Variants in DCLK2 observed in about 807,000 individuals in gnomAD.
The protein encoded by DCLK2 is doublecortin like kinase 2.
In DCLK2, 31 loss-of-function variants were observed where a neutral mutation model predicts 78.4. That is an observed-to-expected ratio of 0.40 (90% CI 0.30 to 0.53). The LOEUF (loss-of-function observed/expected upper bound fraction) is 0.53. Among genes scored for constraint, DCLK2 ranks in the 20% least tolerant of loss-of-function variants. DCLK2 has a pLI of 0.61. For missense variants in DCLK2, 872 were observed against 973.7 expected, an observed-to-expected ratio of 0.90 and a Z score of 1.39; for synonymous variants, 407 against 374.9, an observed-to-expected ratio of 1.09 and a Z score of -0.99.
At chr4:150,235,337 C>T (rs1197460190) in intron 10 of DCLK2, among the ~76,000 whole-genome samples, 1 of 152,144 alleles carries the variant, frequency 6.6e-6, no homozygotes, top group Non-Finnish European at 1.5e-5. Context: ...TAATGTTTTT[C>T]ACTTCTTCAG....
At chr4:150,165,485 T>C (rs1735996676) in intron 2 of DCLK2, among the ~76,000 whole-genome samples, 1 of 152,254 alleles carries the variant, frequency 6.6e-6, no homozygotes, top group African/African-American at 2.4e-5. Flanking sequence ...ATGTGCAGCA[T>C]ATTAGCCACA....
rs572941277 is a variant in DCLK2, at chr4:150,126,443, A to T, written c.756+23631A>T. ...GACTGTGGTCAAAGAAGGGAAGCTA[A>T]CTCTTTGTAGAGGCATCAAAAATGC... On this transcript the variant is annotated intron_variant, in intron 2 of 15. Transcript: ENST00000296550. Among the ~76,000 whole-genome samples the T allele has an allele frequency of 4.4e-4, 67 of 152,236 alleles. 1 individual carries two copies. The South Asian group carries it at 7.3e-3, about 17-fold the overall frequency.
intron 10 of DCLK2, among the ~76,000 whole-genome samples, chr4:150,233,214 G>A (rs1742220185): frequency 6.6e-6 from 1 of 152,138 alleles, no homozygotes; most frequent in Non-Finnish European, 1.5e-5. Flanking sequence ...AGAGAGCGAG[G>A]AGGGAAGTGC....
chr4:150,158,416 C>T (rs1310321714), intron 2 of DCLK2, among the ~76,000 whole-genome samples: 1 of 152,050 alleles, frequency 6.6e-6, no homozygotes, highest in Non-Finnish European at 1.5e-5. Flanking sequence ...GTCTATAACA[C>T]CTCCCAATAA....
intron 10 of DCLK2, among the ~76,000 whole-genome samples, chr4:150,238,206 T>C (rs971853145): frequency 2.0e-5 from 3 of 152,228 alleles, no homozygotes; most frequent in African/African-American, 7.2e-5. Context: ...GTATTTTATA[T>C]GTAATTTTGC....
Position 150,102,594 on chromosome 4 carries a change from G to A in DCLK2, c.538G>A (p.Ala180Thr). 2.5e-6 allele frequency: 4 copies of A among 1,614,172 alleles called. No individual in the cohort carries two copies. Among genetic ancestry groups the A allele is most frequent in the Non-Finnish European group, 3.4e-6 (4 of 1,180,022 alleles). Reference protein sequence around the residue: ...KGGTSRALAAASSVKSEVKES... With the variant: ...KGGTSRALAATSSVKSEVKES... ...TGGGACATCCCGAGCGCTGGCTGCT[G>A]CCTCCTCTGTGAAAAGTGAAGTAAA... The change falls in exon 2 of 16, where the codon GCC (alanine) becomes ACC (threonine). Residue 180 changes from alanine (A) to threonine (T), a missense_variant. Ala to Thr is a moderately conservative substitution (Grantham distance 58). This residue lies in a region of DCLK2 where 567 missense variants were observed against 593.4 expected (regional missense o/e 0.96). Transcript: ENST00000296550.
rs1744599959 is a variant in DCLK2 at position 150,256,791 on chromosome 4, A to G, written c.*544A>G. ...AGAGGACTGGCTTTCTAATAGAAGA[A>G]GTGAGCGCCTGAGAGGACAATTTGG... On this transcript the variant is annotated 3_prime_UTR_variant, in exon 16 of 16. Transcript: ENST00000296550. 6.6e-6 allele frequency: 1 copy of G among 152,458 alleles called. No homozygotes were observed. The highest frequency in any genetic ancestry group is 2.4e-5 in the African/African-American group (1 of 41,438). The allele number at this position is 152,458 out of a possible 1,614,324, so 9.4% of individuals were successfully genotyped here.
At chr4:150,143,116 ATTC>A (rs1734224305) in intron 2 of DCLK2, among the ~76,000 whole-genome samples, 1 of 152,106 alleles carries the variant, frequency 6.6e-6, no homozygotes, top group African/African-American at 2.4e-5. Context: ...ACATGATTTC[ATTC>A]TTTTTCATAG....
chr4:150,255,140 C>G (rs774071571), intron 15 of DCLK2, among the ~76,000 whole-genome samples: 3 of 152,196 alleles, frequency 2.0e-5, no homozygotes, highest in Non-Finnish European at 4.4e-5. Flanking sequence ...TGTTAAAGTA[C>G]TGAAAGAATC....
chr4:150,167,795 T>C (rs1188067079), intron 2 of DCLK2, among the ~76,000 whole-genome samples: 1 of 152,170 alleles, frequency 6.6e-6, no homozygotes, highest in Non-Finnish European at 1.5e-5. Flanking sequence ...TCTCGGAAGC[T>C]GGGCGAGTGG....
intron 2 of DCLK2, among the ~76,000 whole-genome samples, chr4:150,192,036 G>A (rs978733611): frequency 3.3e-5 from 5 of 152,172 alleles, no homozygotes; most frequent in African/African-American, 4.8e-5. Flanking sequence ...GAAAACTGGT[G>A]AAAATAAAGC....
At chr4:150,188,937 C>T (rs1204988351) in intron 2 of DCLK2, among the ~76,000 whole-genome samples, 1 of 146,920 alleles carries the variant, frequency 6.8e-6, no homozygotes, top group Non-Finnish European at 1.5e-5. Context: ...AAATAAGCTT[C>T]TATGGAAAAA....
intron 2 of DCLK2, among the ~76,000 whole-genome samples, chr4:150,180,726 CCT>C (rs1374840932): frequency 7.9e-5 from 12 of 152,122 alleles, no homozygotes; most frequent in Admixed American, 7.9e-4. Context: ...GTCTCTTACC[CCT>C]CTTTCTCCCC....
At chr4:150,113,705 T>A (rs549863179) in intron 2 of DCLK2, among the ~76,000 whole-genome samples, 1 of 152,118 alleles carries the variant, frequency 6.6e-6, no homozygotes, top group South Asian at 2.1e-4. Context: ...ACCTTTTTTT[T>A]TTTTCATTGA....
chr4:150,249,738 T>C (rs1743612776), intron 15 of DCLK2, 54 bp downstream of exon 15: 6 of 1,435,406 alleles, frequency 4.2e-6, no homozygotes, highest in Non-Finnish European at 5.9e-6. Context: ...TTGAAGTTTT[T>C]GAATTAGGTA....
At position 150,149,801 on chromosome 4, in the gene DCLK2, A is replaced by T. The variant is rs1040875488; in HGVS notation, c.757-43337A>T. Among the ~76,000 whole-genome samples, 4 of 152,330 alleles carry T rather than the reference A, an allele frequency of 2.6e-5. No homozygotes were observed. In the East Asian group the frequency reaches 7.7e-4, roughly 29 times the overall value. ...TCTGCACTGATTCTGGACTTCATTG[A>T]AAGAGATTCTGTAAGGTTGATTGGG... On this transcript the variant is annotated intron_variant, in intron 2 of 15. Transcript: ENST00000296550.
At chr4:150,117,631 C>T (rs1205957348) in intron 2 of DCLK2, among the ~76,000 whole-genome samples, 2 of 152,178 alleles carry the variant, frequency 1.3e-5, no homozygotes, top group South Asian at 2.1e-4. Flanking sequence ...AATGGCTTCC[C>T]TCCATCCCCG....
At chr4:150,172,762 G>GTTT (rs1560832090) in intron 2 of DCLK2, among the ~76,000 whole-genome samples, 3,643 of 72,992 alleles carry the variant, frequency 0.05, 149 homozygotes, top group Non-Finnish European at 0.068. Flanking sequence ...TTTTTTTTTG[G>GTTT]GGGGGGGGGG....
At chr4:150,203,195 T>C (rs1739576072) in intron 4 of DCLK2, among the ~76,000 whole-genome samples, 1 of 152,056 alleles carries the variant, frequency 6.6e-6, no homozygotes, top group African/African-American at 2.4e-5. Flanking sequence ...TGGAAGGAAT[T>C]AGAAATAAGT....
Sources: allele counts gnomAD v4.1 joint callset (sites outside exome capture counted in the v4.1 genomes callset), GRCh38; gene constraint gnomAD v4.1.1; regional missense constraint gnomAD v4.1.1; transcripts MANE v1.5; gene names NCBI Gene and HGNC (gene_info 2026-07-23, HGNC 2026-07-21).